Variants in SRGAP1 observed in about 807,000 individuals in gnomAD.
The protein encoded by SRGAP1 is SLIT-ROBO Rho GTPase activating protein 1.
SRGAP1 carries 43 observed loss-of-function variants against 121.9 expected under a neutral mutation model. The observed-to-expected ratio is 0.35, with a 90% CI of 0.28 to 0.46. The LOEUF (loss-of-function observed/expected upper bound fraction) is 0.46, where lower values mean the gene tolerates loss of function less well. Ranked by LOEUF, SRGAP1 falls within the 20% of genes least tolerant of loss-of-function variation. SRGAP1 has a pLI of 1.00. For synonymous variants in SRGAP1, 447 were observed against 485.4 expected, an observed-to-expected ratio of 0.92 and a Z score of 1.04; for missense variants, 1,102 against 1,350.9, an observed-to-expected ratio of 0.82 and a Z score of 2.89.
chr12:64,086,162 A>G (rs1470600486), intron 10 of SRGAP1, among the ~76,000 whole-genome samples: 1 of 152,188 alleles, frequency 6.6e-6, no homozygotes, highest in Non-Finnish European at 1.5e-5. Context: ...ATCCCCTGCC[A>G]GCTATATTTT....
rs2034857320 is a variant in SRGAP1, at chr12:64,034,590, T to C, written c.490-8200T>C. On this transcript the variant is annotated intron_variant, in intron 4 of 21. Transcript: ENST00000355086. ...ATTATTTAATGGCATTCTTTTCAAA[T>C]ATCAATAGCTGACATTTACTGTGCA... Among the ~76,000 whole-genome samples the C allele has an allele frequency of 3.3e-5, 5 of 152,346 alleles. No individual in the cohort carries two copies. The South Asian group carries it at 8.3e-4, about 25-fold the overall frequency.
intron 1 of SRGAP1, among the ~76,000 whole-genome samples, chr12:63,890,803 T>A (rs888541025): frequency 6.6e-6 from 1 of 152,152 alleles, no homozygotes; most frequent in Non-Finnish European, 1.5e-5. Context: ...TTCCTGTCCT[T>A]TTGCACTGGG....
At chr12:63,974,038 A>G (rs1203514487) in intron 1 of SRGAP1, among the ~76,000 whole-genome samples, 1 of 152,160 alleles carries the variant, frequency 6.6e-6, no homozygotes, top group African/African-American at 2.4e-5. Context: ...AAATCAATCT[A>G]CTAATAAGGT....
chr12:64,045,531 G>A (rs900743109), intron 6 of SRGAP1, among the ~76,000 whole-genome samples: 8 of 151,816 alleles, frequency 5.3e-5, no homozygotes, highest in African/African-American at 1.9e-4. Context: ...GGCCTCCCAG[G>A]TTCAAGCAAT....
chr12:63,918,748 C>T (rs2030906086), intron 1 of SRGAP1, among the ~76,000 whole-genome samples: 1 of 152,114 alleles, frequency 6.6e-6, no homozygotes, highest in Non-Finnish European at 1.5e-5. Flanking sequence ...ACTATCTAGG[C>T]CATTTGTTCA....
chr12:63,937,456 A>G (rs992992616), intron 1 of SRGAP1, among the ~76,000 whole-genome samples: 4 of 152,226 alleles, frequency 2.6e-5, no homozygotes, highest in African/African-American at 9.6e-5. Context: ...ATAATTTAGC[A>G]TTATCCATAC....
chr12:63,968,941 G>A (rs188142923), intron 1 of SRGAP1, among the ~76,000 whole-genome samples: 1 of 152,236 alleles, frequency 6.6e-6, no homozygotes, highest in Non-Finnish European at 1.5e-5. Context: ...TCTGAATGCC[G>A]GCAGCCAAGA....
chr12:63,936,150 AC>A (rs1331392515), intron 1 of SRGAP1, among the ~76,000 whole-genome samples: 1 of 152,178 alleles, frequency 6.6e-6, no homozygotes, highest in East Asian at 1.9e-4. Context: ...AGTGTGCAGG[AC>A]GTACCAAATG....
intron 15 of SRGAP1, among the ~76,000 whole-genome samples, chr12:64,107,381 AT>A (rs1441174611): frequency 5.9e-5 from 9 of 152,192 alleles, no homozygotes; most frequent in Non-Finnish European, 1.2e-4. Flanking sequence ...AGAACCACTG[AT>A]ACAAGAGGAA....
At chr12:63,898,893 G>A (rs1461659418) in intron 1 of SRGAP1, among the ~76,000 whole-genome samples, 1 of 152,140 alleles carries the variant, frequency 6.6e-6, no homozygotes, top group African/African-American at 2.4e-5. Context: ...GACCAGTTTA[G>A]TCTATTGGAA....
At chr12:64,024,639 A>G (rs1213508546) in intron 4 of SRGAP1, among the ~76,000 whole-genome samples, 4 of 152,134 alleles carry the variant, frequency 2.6e-5, no homozygotes, top group Non-Finnish European at 5.9e-5. Context: ...GTATGCCTGT[A>G]TTAGTCCGTT....
intron 19 of SRGAP1, among the ~76,000 whole-genome samples, chr12:64,127,251 A>G (rs937775141): frequency 1.3e-5 from 2 of 152,214 alleles, no homozygotes; most frequent in African/African-American, 4.8e-5. Context: ...TGCCATACAT[A>G]TGTATGTACA....
intron 3 of SRGAP1, among the ~76,000 whole-genome samples, chr12:64,007,168 T>C (rs2034110057): frequency 6.6e-6 from 1 of 152,140 alleles, no homozygotes; most frequent in Non-Finnish European, 1.5e-5. Context: ...TGAACCGTTA[T>C]CTGTGAGGCA....
intron 4 of SRGAP1, among the ~76,000 whole-genome samples, chr12:64,039,933 A>G (rs1432624256): frequency 6.9e-6 from 1 of 144,314 alleles, no homozygotes; most frequent in Admixed American, 6.9e-5. Flanking sequence ...CTAAAAACAG[A>G]CAACTTTCCA....
intron 17 of SRGAP1, among the ~76,000 whole-genome samples, chr12:64,113,953 C>A (rs1461392191): frequency 2.0e-5 from 3 of 152,164 alleles, no homozygotes; most frequent in African/African-American, 7.2e-5. Context: ...ACAACACTTT[C>A]TTTCTCATTT....
intron 3 of SRGAP1, among the ~76,000 whole-genome samples, chr12:63,991,736 A>G (rs891608267): frequency 3.9e-5 from 6 of 152,212 alleles, no homozygotes; most frequent in Non-Finnish European, 7.3e-5. Context: ...GTGCTCAAGG[A>G]GGTCACAATT....
Position 64,086,049 on chromosome 12 carries a change from C to T in SRGAP1, c.1409-950C>T, listed in dbSNP as rs374511313. Among the ~76,000 whole-genome samples, 5 of 152,336 alleles carry T rather than the reference C, an allele frequency of 3.3e-5. No individual in the cohort carries two copies. The South Asian group carries it at 6.2e-4, about 19-fold the overall frequency. On this transcript the variant is annotated intron_variant, in intron 10 of 21. Transcript: ENST00000355086. ...GTGTTGGTTCACCATTCCCAACAAG[C>T]CAGCTTTCTTTACCATTGTCATGTT...
At chr12:64,019,954 GCTC>G (rs1198661882) in intron 4 of SRGAP1, among the ~76,000 whole-genome samples, 1 of 152,178 alleles carries the variant, frequency 6.6e-6, no homozygotes, top group African/African-American at 2.4e-5. Context: ...CTCCTCACTT[GCTC>G]TCAAACCTTG....
At chr12:64,057,276 T>C (rs755936670) in intron 6 of SRGAP1, among the ~76,000 whole-genome samples, 1 of 152,162 alleles carries the variant, frequency 6.6e-6, no homozygotes, top group Non-Finnish European at 1.5e-5. Flanking sequence ...TTGGTTACAG[T>C]TCTTAAAACA....
Sources: allele counts gnomAD v4.1 joint callset (sites outside exome capture counted in the v4.1 genomes callset), GRCh38; gene constraint gnomAD v4.1.1; transcripts MANE v1.5; gene names NCBI Gene and HGNC (gene_info 2026-07-23, HGNC 2026-07-21).